The following BTBD10 variants were observed in gnomAD, a reference collection of about 807,000 sequenced individuals.
The protein encoded by BTBD10 is BTB domain containing 10.
BTBD10 carries 21 observed loss-of-function variants against 53.2 expected under a neutral mutation model. The ratio of observed to expected loss-of-function variants is 0.39; its 90% confidence interval spans 0.28 to 0.57. BTBD10 has a LOEUF of 0.57. Ranked by LOEUF, BTBD10 falls within the 20% of genes least tolerant of loss-of-function variation. The pLI is 0.53. For synonymous variants in BTBD10, 149 were observed against 192.7 expected, an observed-to-expected ratio of 0.77 and a Z score of 1.88; for missense variants, 360 against 594.7, an observed-to-expected ratio of 0.61 and a Z score of 4.10.
intron 1 of BTBD10, among the ~76,000 whole-genome samples, chr11:13,459,054 A>AT (rs1256609857): frequency 1.0e-4 from 12 of 117,854 alleles, no homozygotes; most frequent in African/African-American, 4.0e-4. Context: ...TTTTTTATTT[A>AT]TTTATTTTTT....
intron 6 of BTBD10, among the ~76,000 whole-genome samples, chr11:13,410,190 A>T (rs1830762350): frequency 6.6e-6 from 1 of 152,222 alleles, no homozygotes; most frequent in Admixed American, 6.5e-5. Context: ...TAGAAATTAA[A>T]GATAAAAAGG....
At position 13,442,067 on chromosome 11, in the gene BTBD10, A is replaced by G. The variant is rs75328573; in HGVS notation, c.101+2957T>C. ...TGATAATGAGAGGAAAGCCAAGAAA[A>G]TAAGAGATTTCTGACCCTAACATCC... On this transcript the variant is annotated intron_variant, in intron 2 of 8. Coordinates refer to ENST00000278174, the MANE Select transcript of BTBD10 (RefSeq NM_032320.7). 1.3e-3 allele frequency among the ~76,000 whole-genome samples: 205 copies of G among 152,268 alleles called. 5 individuals are homozygous for G. In the East Asian group the frequency reaches 0.031, roughly 23 times the overall value.
At chr11:13,399,508 C>T (rs1445293987) in intron 8 of BTBD10, among the ~76,000 whole-genome samples, 4 of 152,110 alleles carry the variant, frequency 2.6e-5, no homozygotes, top group Non-Finnish European at 5.9e-5. Context: ...TCCTTTAGCT[C>T]GGAGTAGTTT....
chr11:13,410,417 C>T (rs1295267614), intron 6 of BTBD10, among the ~76,000 whole-genome samples: 11 of 152,100 alleles, frequency 7.2e-5, no homozygotes. Flanking sequence ...CTTTATTTTT[C>T]TTAAGACAGG....
At chr11:13,458,412 T>C (rs1951018586) in intron 1 of BTBD10, among the ~76,000 whole-genome samples, 1 of 152,166 alleles carries the variant, frequency 6.6e-6, no homozygotes, top group African/African-American at 2.4e-5. Context: ...AGTTCTATTG[T>C]TTTCTTCATA....
At chr11:13,441,189 C>T (rs766536872) in intron 2 of BTBD10, among the ~76,000 whole-genome samples, 2 of 151,904 alleles carry the variant, frequency 1.3e-5, no homozygotes, top group African/African-American at 2.4e-5. Flanking sequence ...TCATAGGCAC[C>T]CTAAAAGTCC....
chr11:13,436,336 T>A (rs1319180128), intron 2 of BTBD10, among the ~76,000 whole-genome samples: 1 of 152,190 alleles, frequency 6.6e-6, no homozygotes, highest in Admixed American at 6.5e-5. Context: ...TTTAGCAGCA[T>A]CCCTAGCCTC....
chr11:13,402,760 G>A (rs1949740282), intron 8 of BTBD10, among the ~76,000 whole-genome samples: 1 of 152,092 alleles, frequency 6.6e-6, no homozygotes, highest in African/African-American at 2.4e-5. Context: ...TACTAGTAGT[G>A]CTGCTTTTAC....
In BTBD10 at chr11:13,419,690, T is replaced by G; in HGVS notation, c.354A>C (p.Ala118=). The G allele has an allele frequency of 1.2e-6, 2 of 1,613,788 alleles. No individual in the cohort carries two copies. Among genetic ancestry groups the G allele is most frequent in the Non-Finnish European group, 1.7e-6 (2 of 1,179,874 alleles). Residue 118 remains alanine, a synonymous_variant, in exon 4 of 9, where the codon GCA becomes GCC. Transcript: ENST00000278174. ...CACTGCTAATGGAACCATTTGGGGA[T>G]GCTTTTTGAGGACGCGGACTGCTTG... ...SRPSSPRPQK[A]SPNGSISSAG...
At chr11:13,446,633 C>T (rs181352942) in intron 1 of BTBD10, among the ~76,000 whole-genome samples, 185 of 152,174 alleles carry the variant, frequency 1.2e-3, no homozygotes, top group Admixed American at 2.4e-3. Flanking sequence ...AATTCCTGAG[C>T]AAATGCCACA....
chr11:13,403,338 A>C (rs1433330539), intron 7 of BTBD10, 60 bp from the exon 8 acceptor site: 9 of 973,980 alleles, frequency 9.2e-6, no homozygotes, highest in Non-Finnish European at 8.9e-6. Flanking sequence ...GATGAACTTA[A>C]ATTTATCTTG....
chr11:13,422,469 A>G (rs1184205808), intron 2 of BTBD10, among the ~76,000 whole-genome samples: 2 of 152,110 alleles, frequency 1.3e-5, no homozygotes, highest in Non-Finnish European at 1.5e-5. Flanking sequence ...CCAACATGGC[A>G]AAACCCTGTC....
At chr11:13,393,054 C>G (rs1306105286) in intron 8 of BTBD10, among the ~76,000 whole-genome samples, 2 of 152,122 alleles carry the variant, frequency 1.3e-5, no homozygotes, top group East Asian at 3.9e-4. Flanking sequence ...AAATGAAAAA[C>G]CCCAAAGAAG....
chr11:13,444,185 CT>C (rs1262420643), intron 2 of BTBD10, among the ~76,000 whole-genome samples: 2 of 150,928 alleles, frequency 1.3e-5, no homozygotes. Flanking sequence ...TGAACTATTT[CT>C]TTAAAATCAC....
At chr11:13,450,939 G>GA (rs1358117606) in intron 1 of BTBD10, among the ~76,000 whole-genome samples, 2 of 152,178 alleles carry the variant, frequency 1.3e-5, no homozygotes, top group Non-Finnish European at 2.9e-5. Flanking sequence ...AGAAGCAACA[G>GA]AATCACGAGT....
chr11:13,404,863 A>T (rs1324574706), intron 7 of BTBD10, among the ~76,000 whole-genome samples: 3 of 152,176 alleles, frequency 2.0e-5, no homozygotes, highest in African/African-American at 7.2e-5. Flanking sequence ...ATTTTAGAAA[A>T]GCATATGTAA....
At chr11:13,444,079 A>G (rs1042984672) in intron 2 of BTBD10, among the ~76,000 whole-genome samples, 3 of 152,176 alleles carry the variant, frequency 2.0e-5, no homozygotes, top group Non-Finnish European at 4.4e-5. Context: ...TTTAGACCTC[A>G]TAACATTAAA....
intron 1 of BTBD10, among the ~76,000 whole-genome samples, chr11:13,457,412 G>T (rs1195579254): frequency 6.6e-6 from 1 of 152,112 alleles, no homozygotes; most frequent in African/African-American, 2.4e-5. Context: ...TAAACTACAT[G>T]CATCCACACA....
chr11:13,436,574 CTTAGCGGCTAAGCAAGGT>C (rs964258608), intron 2 of BTBD10, among the ~76,000 whole-genome samples: 7 of 152,174 alleles, frequency 4.6e-5, no homozygotes, highest in Non-Finnish European at 8.8e-5. Context: ...AAAATGGAAA[CTTAGCGGCTAAGCAAGGT>C]GCCTGAAATC....
Sources: allele counts gnomAD v4.1 joint callset (sites outside exome capture counted in the v4.1 genomes callset), GRCh38; gene constraint gnomAD v4.1.1; transcripts MANE v1.5; gene names NCBI Gene and HGNC (gene_info 2026-07-23, HGNC 2026-07-21).